Variants in ZBTB46 observed in about 807,000 individuals in gnomAD.
ZBTB46 encodes zinc finger and BTB domain containing 46, also known as zinc finger and BTB domain-containing protein 46.
Under a neutral mutation model 44.1 loss-of-function variants are expected in ZBTB46, and 8 were observed. The ratio of observed to expected loss-of-function variants is 0.18; its 90% CI spans 0.11 to 0.33. The LOEUF (loss-of-function observed/expected upper bound fraction) is 0.33, where lower values mean the gene tolerates loss of function less well. ZBTB46 is among the 10% of genes least tolerant of loss of function. The pLI, the probability that ZBTB46 is intolerant of heterozygous loss-of-function variation, is 1.00. For missense variants in ZBTB46, 651 were observed against 847.7 expected (o/e 0.77, Z 2.88); for synonymous variants, 409 against 382.3 (o/e 1.07, Z -0.81).
chr20:63,777,000 A>C (rs1019634898), intron 2 of ZBTB46, among the ~76,000 whole-genome samples: 2 of 150,988 alleles, frequency 1.3e-5, no homozygotes, highest in African/African-American at 4.9e-5. Context: ...CCACCACACA[A>C]TACGGTTCCA....
At chr20:63,818,717 G>A (rs1359647317) in intron 1 of ZBTB46, among the ~76,000 whole-genome samples, 1 of 151,768 alleles carries the variant, frequency 6.6e-6, no homozygotes, top group Non-Finnish European at 1.5e-5. Flanking sequence ...AATTAGCCGG[G>A]CATGGTGGCA....
intron 3 of ZBTB46, among the ~76,000 whole-genome samples, chr20:63,770,171 C>T (rs775842176): frequency 9.9e-5 from 15 of 152,238 alleles, no homozygotes; most frequent in Admixed American, 6.5e-5. Context: ...GACCGGCCGG[C>T]GGCGCATCCT....
chr20:63,771,432 G>A (rs2092371453), intron 3 of ZBTB46, among the ~76,000 whole-genome samples: 1 of 152,310 alleles, frequency 6.6e-6, no homozygotes, highest in East Asian at 1.9e-4. Context: ...CGGGCCTGGC[G>A]CTCCCGCACG....
Position 63,777,130 on chromosome 20 carries a change from G to A in ZBTB46, c.938-1168C>T, listed in dbSNP as rs575449373. ...ACGCCACGGTTCCACCACACGCCAC[G>A]GTTCCAGCACACGCCACGGTTCCAG... On this transcript the variant is annotated intron_variant, in intron 2 of 4. Coordinates refer to ENST00000245663, the MANE Select transcript of ZBTB46 (RefSeq NM_001369741.1). Among the ~76,000 whole-genome samples, 3 of 55,268 alleles carry A rather than the reference G, an allele frequency of 5.4e-5. 1 individual carries two copies. The East Asian group carries it at 9.6e-4, about 18-fold the overall frequency. 36.3% of individuals were successfully genotyped at this position (55,268 alleles called of 152,430 possible). A position where few individuals can be genotyped will look rare whatever the true frequency, so the allele number is the denominator to read the frequency against.
upstream of ZBTB46, chr20:63,831,292 C>A (rs1171228320): frequency 3.4e-4 from 40 of 116,402 alleles, no homozygotes; most frequent in African/African-American, 1.3e-3. Flanking sequence ...AACCCCGCGG[C>A]CCCCGCCGCC....
Position 63,775,927 on chromosome 20 carries a change from C to G in ZBTB46, c.973G>C (p.Asp325His), listed in dbSNP as rs750171292. ...DLSVTEASSS[D>H]SRGERAELYA... ...AGCTCGGCCCTCTCTCCTCGGCTGT[C>G]GGAGCTGCTGGCTTCGGTGACGGAC... The change falls in exon 3 of 5, where the codon GAC becomes CAC. Residue 325 changes from aspartate to histidine, a missense_variant. Coordinates refer to ENST00000245663, the MANE Select transcript of ZBTB46 (RefSeq NM_001369741.1). The G allele has an allele frequency of 6.9e-6, 11 of 1,589,744 alleles. No homozygotes were observed. The East Asian group carries it at 1.6e-4, about 23-fold the overall frequency.
chr20:63,814,404 A>G (rs1409768473), intron 1 of ZBTB46, among the ~76,000 whole-genome samples: 1 of 152,198 alleles, frequency 6.6e-6, no homozygotes, highest in Non-Finnish European at 1.5e-5. Flanking sequence ...TAAGTTTTTA[A>G]AAATATAATT....
intron 4 of ZBTB46, among the ~76,000 whole-genome samples, chr20:63,751,977 C>T (rs1568828585): frequency 6.6e-6 from 1 of 152,170 alleles, no homozygotes. Context: ...ACAGCAGCCC[C>T]ACCTCTGCCC....
At chr20:63,808,954 G>A (rs1011165240) in intron 1 of ZBTB46, among the ~76,000 whole-genome samples, 2 of 146,176 alleles carry the variant, frequency 1.4e-5, no homozygotes, top group East Asian at 2.0e-4. Context: ...TCCAGCCTGG[G>A]CGGCAGAGCG....
chr20:63,770,494 T>C (rs1386051489), intron 3 of ZBTB46, among the ~76,000 whole-genome samples: 1 of 152,178 alleles, frequency 6.6e-6, no homozygotes, highest in Non-Finnish European at 1.5e-5. Flanking sequence ...CTGTTTAATT[T>C]AACAGCCAAG....
intron 1 of ZBTB46, among the ~76,000 whole-genome samples, chr20:63,823,237 C>T (rs2092802225): frequency 6.6e-6 from 1 of 151,642 alleles, no homozygotes; most frequent in Non-Finnish European, 1.5e-5. Flanking sequence ...ACTGTCATCC[C>T]GGTACTTTGG....
chr20:63,789,698 G>C, intron 2 of ZBTB46, 123 bp downstream of exon 2: 1 of 1,468,882 alleles, frequency 6.8e-7, no homozygotes, highest in Admixed American at 2.3e-5. Flanking sequence ...CCTGTAAGAG[G>C]AAGTGACCCT....
chr20:63,754,232 C>T (rs2092198543), intron 3 of ZBTB46, among the ~76,000 whole-genome samples: 1 of 152,214 alleles, frequency 6.6e-6, no homozygotes, highest in Non-Finnish European at 1.5e-5. Flanking sequence ...ATCCCAAGCT[C>T]TTCCTGGCCT....
At chr20:63,774,563 C>T (rs997425735) in intron 3 of ZBTB46, among the ~76,000 whole-genome samples, 2 of 152,142 alleles carry the variant, frequency 1.3e-5, no homozygotes, top group African/African-American at 2.4e-5. Context: ...AAACGGGAGG[C>T]GCCTCACTCA....
At chr20:63,782,279 G>C (rs1040716533) in intron 2 of ZBTB46, among the ~76,000 whole-genome samples, 1 of 152,010 alleles carries the variant, frequency 6.6e-6, no homozygotes, top group Non-Finnish European at 1.5e-5. Context: ...ATGAGTCCTG[G>C]ATGAGCCACG....
At chr20:63,773,230 C>CT (rs745777313) in intron 3 of ZBTB46, among the ~76,000 whole-genome samples, 1,531 of 133,942 alleles carry the variant, frequency 0.011, 32 homozygotes, top group African/African-American at 0.029. Context: ...AGTCCAATGG[C>CT]TTTTTTTTTT....
At chr20:63,757,291 T>A (rs538797379) in intron 3 of ZBTB46, among the ~76,000 whole-genome samples, 3 of 152,202 alleles carry the variant, frequency 2.0e-5, no homozygotes, top group Non-Finnish European at 4.4e-5. Flanking sequence ...CCAGGCTGAT[T>A]TTTGTATTTT....
chr20:63,746,105 G>A lies in ZBTB46; in HGVS notation c.*825C>T, dbSNP rs1203052625. The A allele has an allele frequency of 4.6e-5, 7 of 152,912 alleles. No individual in the cohort carries two copies. In the East Asian group the frequency reaches 9.4e-4, roughly 21 times the overall value. 9.5% of individuals were successfully genotyped at this position (152,912 alleles called of 1,614,324 possible). On this transcript the variant is annotated 3_prime_UTR_variant, in exon 5 of 5. Coordinates refer to ENST00000245663, the MANE Select transcript of ZBTB46 (RefSeq NM_001369741.1). Reference sequence around the variant, plus strand: ...CCAGGAGGGGTCAGCAGGAGCGGCCGGGCTGGGCCATGGGCAGAACAGGAC... The same window carrying A: ...CCAGGAGGGGTCAGCAGGAGCGGCCAGGCTGGGCCATGGGCAGAACAGGAC...
intron 4 of ZBTB46, among the ~76,000 whole-genome samples, chr20:63,749,659 G>C (rs1238644312): frequency 6.6e-6 from 1 of 152,212 alleles, no homozygotes; most frequent in Non-Finnish European, 1.5e-5. Flanking sequence ...TTTAAACCAA[G>C]GACTTCCAGA....
Sources: gnomAD v4.1 joint callset for allele counts (sites outside exome capture counted in the v4.1 genomes callset) on GRCh38, gnomAD v4.1.1 for gene constraint, MANE v1.5 for transcripts, NCBI Gene and HGNC (gene_info 2026-07-23, HGNC 2026-07-21) for gene names.